Variants in DYM observed in about 807,000 individuals in gnomAD.
DYM encodes the protein dymeclin.
In DYM, 78 loss-of-function variants were observed where a neutral mutation model predicts 93.1. The observed-to-expected ratio is 0.84, with a 90% confidence interval of 0.70 to 1.01. The LOEUF is 1.01. Among genes scored for constraint, DYM ranks in the 50% least tolerant of loss-of-function variants. The pLI is 0.00. For missense variants in DYM, 789 were observed against 845.0 expected, an observed-to-expected ratio of 0.93 and a Z score of 0.82; for synonymous variants, 321 against 319.7, an observed-to-expected ratio of 1.00 and a Z score of -0.04.
At chr18:49,061,742 A>C (rs1349086008) in intron 17 of DYM, among the ~76,000 whole-genome samples, 3 of 152,244 alleles carry the variant, frequency 2.0e-5, no homozygotes, top group Admixed American at 2.0e-4. Context: ...GAGACTTGGC[A>C]GCTCTTCACA....
At chr18:49,220,642 C>A (rs1028119872) in intron 13 of DYM, among the ~76,000 whole-genome samples, 11 of 152,112 alleles carry the variant, frequency 7.2e-5, no homozygotes, top group African/African-American at 2.7e-4. Context: ...CTGAGAAAAA[C>A]AATCAATGGG....
At chr18:49,201,388 T>C (rs1048317615) in intron 14 of DYM, among the ~76,000 whole-genome samples, 2 of 152,186 alleles carry the variant, frequency 1.3e-5, no homozygotes, top group Non-Finnish European at 2.9e-5. Flanking sequence ...AGGTAGTCTA[T>C]GTGTTGGTCT....
chr18:49,084,131 T>C lies in DYM; in HGVS notation c.2025+13271A>G, dbSNP rs535008998. Among the ~76,000 whole-genome samples, 8 of 152,332 alleles carry C rather than the reference T, an allele frequency of 5.3e-5. No homozygotes were observed. In the South Asian group the frequency reaches 1.0e-3, roughly 20 times the overall value. ...TAGGATTTAAAGTTATAAATTTTCCTGTAAGCACCACTTGAGCCGCATCTC... is the reference window on the plus strand; with the variant it reads ...TAGGATTTAAAGTTATAAATTTTCCCGTAAGCACCACTTGAGCCGCATCTC... On this transcript the variant is annotated intron_variant, in intron 17 of 17. Transcript: ENST00000675505.
At chr18:49,069,165 TACTA>T (rs2076692305) in intron 17 of DYM, among the ~76,000 whole-genome samples, 1 of 152,244 alleles carries the variant, frequency 6.6e-6, no homozygotes, top group Admixed American at 6.5e-5. Flanking sequence ...TTGACAGAGA[TACTA>T]ACGTGTTCAT....
chr18:49,330,697 C>T (rs1259551399), intron 8 of DYM, among the ~76,000 whole-genome samples: 2 of 152,040 alleles, frequency 1.3e-5, no homozygotes, highest in African/African-American at 2.4e-5. Context: ...AATACTTATA[C>T]CAGTTTAATG....
chr18:49,121,061 T>G (rs1019799521), intron 15 of DYM, among the ~76,000 whole-genome samples: 1 of 152,310 alleles, frequency 6.6e-6, no homozygotes, highest in Non-Finnish European at 1.5e-5. Context: ...AAAGAATCCA[T>G]GTTGAACAAA....
chr18:49,317,598 C>CTCT (rs1568236213), intron 8 of DYM, among the ~76,000 whole-genome samples: 5 of 20,980 alleles, frequency 2.4e-4, no homozygotes, highest in South Asian at 3.5e-3. Flanking sequence ...TCTCTCTCTC[C>CTCT]CCCCTCCCCC....
intron 8 of DYM, among the ~76,000 whole-genome samples, chr18:49,316,699 T>C (rs2061965270): frequency 6.6e-6 from 1 of 152,174 alleles, no homozygotes. Context: ...CTCTGTGCTC[T>C]ACCTACTTAT....
At chr18:49,361,130 T>C (rs2065979037) in intron 6 of DYM, among the ~76,000 whole-genome samples, 1 of 152,210 alleles carries the variant, frequency 6.6e-6, no homozygotes, top group South Asian at 2.1e-4. Flanking sequence ...ACTGGAGTTC[T>C]GTTAGAATGG....
At chr18:49,314,495 T>G (rs906462379) in intron 8 of DYM, among the ~76,000 whole-genome samples, 8 of 152,202 alleles carry the variant, frequency 5.3e-5, no homozygotes, top group African/African-American at 1.7e-4. Flanking sequence ...ATGGAGACAG[T>G]GTGTTAAAGA....
intron 3 of DYM, among the ~76,000 whole-genome samples, chr18:49,388,885 C>T (rs1357505331): frequency 1.5e-5 from 2 of 135,704 alleles, no homozygotes; most frequent in Non-Finnish European, 3.2e-5. Context: ...GCTTCAAAAG[C>T]CAAGAAAAAA....
chr18:49,387,577 G>A (rs544852531), intron 3 of DYM, among the ~76,000 whole-genome samples: 2 of 152,066 alleles, frequency 1.3e-5, no homozygotes, highest in African/African-American at 4.8e-5. Context: ...GGTCGAATCC[G>A]TGATCTTTGA....
intron 8 of DYM, among the ~76,000 whole-genome samples, chr18:49,315,194 G>A (rs1330193282): frequency 6.7e-6 from 1 of 148,750 alleles, no homozygotes; most frequent in African/African-American, 2.5e-5. Flanking sequence ...CAGCCTGGGT[G>A]ACAGAGCAAG....
chr18:49,397,133 A>T (rs8087325), intron 2 of DYM, among the ~76,000 whole-genome samples: 76,679 of 152,030 alleles, frequency 0.5, 20,700 homozygotes, highest in Admixed American at 0.61. Context: ...ATCATTACAC[A>T]ATGTATAATG....
chr18:49,155,608 A>G (rs1348417311), intron 15 of DYM, among the ~76,000 whole-genome samples: 7 of 152,218 alleles, frequency 4.6e-5, no homozygotes, highest in Non-Finnish European at 1.0e-4. Context: ...CCTATTCTGG[A>G]CATTCCATAT....
chr18:49,171,579 TTAAA>T (rs1359712784), intron 14 of DYM, among the ~76,000 whole-genome samples: 6 of 151,646 alleles, frequency 4.0e-5, no homozygotes, highest in African/African-American at 1.5e-4. Flanking sequence ...CAATAAAAAA[TTAAA>T]AAAACCAAAA....
chr18:49,243,166 C>T (rs1034640160), intron 13 of DYM, among the ~76,000 whole-genome samples: 14 of 152,210 alleles, frequency 9.2e-5, no homozygotes, highest in African/African-American at 2.6e-4. Context: ...CTCAGGTGAG[C>T]GGGCTGCCTT....
At chr18:49,242,110 A>T (rs2094026047) in intron 13 of DYM, among the ~76,000 whole-genome samples, 1 of 152,126 alleles carries the variant, frequency 6.6e-6, no homozygotes, top group Non-Finnish European at 1.5e-5. Flanking sequence ...AGAACTGCTG[A>T]TCTAATTTAA....
At chr18:49,284,042 C>A (rs1439188536) in intron 9 of DYM, among the ~76,000 whole-genome samples, 1 of 151,814 alleles carries the variant, frequency 6.6e-6, no homozygotes, top group East Asian at 1.9e-4. Context: ...TGTGAGTATG[C>A]AGATATTATG....
Sources: gnomAD v4.1 joint callset for allele counts (sites outside exome capture counted in the v4.1 genomes callset) on GRCh38, gnomAD v4.1.1 for gene constraint, MANE v1.5 for transcripts, NCBI Gene and HGNC (gene_info 2026-07-23, HGNC 2026-07-21) for gene names.